Variants in DLG2 observed in about 807,000 individuals in gnomAD.
DLG2 encodes the protein disks large homolog 2.
A neutral mutation model predicts 132.5 loss-of-function variants in DLG2; 45 were observed. The observed-to-expected ratio is 0.34, with a 90% confidence interval of 0.27 to 0.44. DLG2 has a LOEUF of 0.44. Among genes scored for constraint, DLG2 ranks in the 20% least tolerant of loss-of-function variants. The pLI, the probability that DLG2 is intolerant of heterozygous loss-of-function variation, is 1.00. For missense variants in DLG2, 1,045 were observed against 1,196.9 expected, an observed-to-expected ratio of 0.87 and a Z score of 1.87; for synonymous variants, 424 against 419.6, an observed-to-expected ratio of 1.01 and a Z score of -0.13.
intron 3 of DLG2, among the ~76,000 whole-genome samples, chr11:85,468,404 C>A (rs1464246930): frequency 7.2e-5 from 11 of 151,976 alleles, no homozygotes; most frequent in East Asian, 3.9e-4. Flanking sequence ...TTGTGATGTT[C>A]GGGTGTCAAT....
intron 3 of DLG2, among the ~76,000 whole-genome samples, chr11:85,489,302 A>G (rs1052847909): frequency 5.3e-5 from 8 of 152,230 alleles, no homozygotes; most frequent in Non-Finnish European, 1.2e-4. Context: ...GGTCATGGAC[A>G]GTGAAAAAAC....
At position 84,582,103 on chromosome 11, in the gene DLG2, G is replaced by A. The variant is rs551161498; in HGVS notation, c.358-47372C>T. The stretch of plus-strand genomic sequence containing the variant: ...TCAGATAAGAAAGAAAGGCTAGCAA[G>A]ATAAAGTTAGGTGAGACGAACTATA... On this transcript the variant is annotated intron_variant, in intron 6 of 27. Transcript: ENST00000376104. Among the ~76,000 whole-genome samples, 5 of 152,002 alleles carry A rather than the reference G, an allele frequency of 3.3e-5. No homozygotes were observed. In the South Asian group the frequency reaches 1.0e-3, roughly 32 times the overall value.
intron 7 of DLG2, among the ~76,000 whole-genome samples, chr11:84,488,744 G>A (rs1331552126): frequency 2.0e-5 from 3 of 152,094 alleles, no homozygotes; most frequent in Admixed American, 6.6e-5. Context: ...ATTCCTATAC[G>A]AGGTGAAGAA....
chr11:84,800,132 T>C (rs1231155024), intron 6 of DLG2, among the ~76,000 whole-genome samples: 2 of 152,126 alleles, frequency 1.3e-5, no homozygotes, highest in African/African-American at 4.8e-5. Context: ...AATCTGTATG[T>C]ACAAAATTGA....
At chr11:85,488,248 G>A (rs1019859508) in intron 3 of DLG2, among the ~76,000 whole-genome samples, 1 of 152,068 alleles carries the variant, frequency 6.6e-6, no homozygotes, top group African/African-American at 2.4e-5. Flanking sequence ...AATTAGCTGG[G>A]TGTAGTGTGA....
Position 84,067,576 on chromosome 11 carries a change from A to G in DLG2, c.750-8092T>C, listed in dbSNP as rs116079462. Among the ~76,000 whole-genome samples, 1,204 of 152,132 alleles carry G rather than the reference A, an allele frequency of 7.9e-3. 10 individuals are homozygous for G. Among genetic ancestry groups the G allele is most frequent in the African/African-American group, 0.028 (1,148 of 41,488 alleles). On this transcript the variant is annotated intron_variant, in intron 10 of 27. Transcript: ENST00000376104. The stretch of plus-strand genomic sequence containing the variant: ...CCCCACCACACACACACACACACAC[A>G]CACACACAAACACAGGCTGACTCAA...
intron 3 of DLG2, among the ~76,000 whole-genome samples, chr11:85,467,231 G>A (rs1229379595): frequency 6.6e-6 from 1 of 152,166 alleles, no homozygotes; most frequent in Non-Finnish European, 1.5e-5. Context: ...GGGTTTTCTA[G>A]ATATACAATC....
chr11:84,134,692 CTGTGTG>C (rs5793105), intron 9 of DLG2, among the ~76,000 whole-genome samples: 40 of 149,656 alleles, frequency 2.7e-4, no homozygotes, highest in Non-Finnish European at 2.2e-4. Flanking sequence ...CTTTTGTTAT[CTGTGTG>C]TGTGTGTGTG....
intron 14 of DLG2, among the ~76,000 whole-genome samples, chr11:83,940,476 A>C (rs2082397069): frequency 6.6e-6 from 1 of 152,162 alleles, no homozygotes. Flanking sequence ...AGACATATGC[A>C]ATACTATTAT....
chr11:84,798,898 C>A (rs1017067511), intron 6 of DLG2, among the ~76,000 whole-genome samples: 1 of 152,130 alleles, frequency 6.6e-6, no homozygotes, highest in South Asian at 2.1e-4. Flanking sequence ...TGGGGGCTAG[C>A]TGCCTGTCAC....
chr11:84,501,049 TCA>T (rs2099202994), intron 7 of DLG2, among the ~76,000 whole-genome samples: 1 of 152,142 alleles, frequency 6.6e-6, no homozygotes, highest in Non-Finnish European at 1.5e-5. Flanking sequence ...TCCCCTGAAC[TCA>T]GTTTCCTTTG....
chr11:85,142,311 T>C (rs1291180711), intron 5 of DLG2, among the ~76,000 whole-genome samples: 1 of 151,874 alleles, frequency 6.6e-6, no homozygotes, highest in Non-Finnish European at 1.5e-5. Context: ...ATTATTTTAT[T>C]TGTAGTTATT....
chr11:85,128,890 T>C (rs1276556401), intron 5 of DLG2, among the ~76,000 whole-genome samples: 1 of 152,192 alleles, frequency 6.6e-6, no homozygotes, highest in Non-Finnish European at 1.5e-5. Context: ...AATTATACTA[T>C]ATACACATTT....
chr11:83,575,332 G>GTCC (rs2096857620), intron 19 of DLG2, among the ~76,000 whole-genome samples: 1 of 152,144 alleles, frequency 6.6e-6, no homozygotes, highest in Non-Finnish European at 1.5e-5. Context: ...GAGTCTCGAG[G>GTCC]CCATCAAGCA....
intron 6 of DLG2, among the ~76,000 whole-genome samples, chr11:84,833,151 TAAAAAGAA>T (rs1010099238): frequency 6.6e-6 from 1 of 151,550 alleles, no homozygotes; most frequent in South Asian, 2.1e-4. Context: ...AATCTAAATT[TAAAAAGAA>T]AAAAAGAAAT....
chr11:85,426,355 A>G (rs1049750677), intron 3 of DLG2, among the ~76,000 whole-genome samples: 34 of 152,194 alleles, frequency 2.2e-4, no homozygotes, highest in African/African-American at 8.2e-4. Context: ...ACCCCTGAGT[A>G]GCCTAACTGG....
At chr11:85,133,314 G>T (rs1163624944) in intron 5 of DLG2, among the ~76,000 whole-genome samples, 1 of 151,614 alleles carries the variant, frequency 6.6e-6, no homozygotes, top group Non-Finnish European at 1.5e-5. Flanking sequence ...AATGGCTGTC[G>T]TTCCAGTGCC....
intron 3 of DLG2, among the ~76,000 whole-genome samples, chr11:85,500,241 A>C (rs1370242526): frequency 1.3e-5 from 2 of 152,056 alleles, no homozygotes; most frequent in African/African-American, 4.8e-5. Context: ...AAGCAACTTC[A>C]GCAAAGTCTA....
chr11:84,411,409 A>C (rs1167705900), intron 7 of DLG2, among the ~76,000 whole-genome samples: 1 of 152,224 alleles, frequency 6.6e-6, no homozygotes, highest in East Asian at 1.9e-4. Flanking sequence ...GAGCTAAAAA[A>C]CTACCACAAA....
Sources: gnomAD v4.1 joint callset for allele counts (sites outside exome capture counted in the v4.1 genomes callset) on GRCh38, gnomAD v4.1.1 for gene constraint, MANE v1.5 for transcripts, NCBI Gene and HGNC (gene_info 2026-07-23, HGNC 2026-07-21) for gene names.